DPP6: variants seen among roughly 807,000 people sequenced by gnomAD.
DPP6 encodes dipeptidyl peptidase like 6, also known as A-type potassium channel modulatory protein DPP6.
A neutral mutation model predicts 122.6 loss-of-function variants in DPP6; 69 were observed. The observed-to-expected ratio is 0.56, with a 90% CI of 0.46 to 0.69. The LOEUF is 0.69. Among genes scored for constraint, DPP6 ranks in the 30% least tolerant of loss-of-function variants. The pLI, the probability that DPP6 is intolerant of heterozygous loss-of-function variation, is 0.00. For synonymous variants in DPP6, 418 were observed against 433.1 expected, an observed-to-expected ratio of 0.97 and a Z score of 0.43; for missense variants, 928 against 1,116.9, an observed-to-expected ratio of 0.83 and a Z score of 2.41.
Position 154,794,183 on chromosome 7 carries a change from C to T in DPP6, c.1241C>T (p.Thr414Ile). The T allele has an allele frequency of 6.2e-7, 1 of 1,610,738 alleles. No individual in the cohort carries two copies. Among genetic ancestry groups the T allele is most frequent in the Non-Finnish European group, 8.5e-7 (1 of 1,178,360 alleles). Residue 414 changes from threonine (T) to isoleucine (I), a missense_variant, in exon 11 of 26, where the codon ACC becomes ATC. Transcript: ENST00000377770. ...TCCATCCTCACCCTCTGCGACGCCA[C>T]CACGGGGGTCTGCACGAAGGTACGC... ...NVSILTLCDA[T>I]TGVCTKKHED...
chr7:154,123,763 G>C (rs1289726165), intron 1 of DPP6, among the ~76,000 whole-genome samples: 8 of 119,878 alleles, frequency 6.7e-5, no homozygotes, highest in Non-Finnish European at 1.3e-4. Context: ...CTTACCTGGG[G>C]ACACTCACTA....
chr7:154,646,987 C>A (rs1223563528), intron 6 of DPP6, among the ~76,000 whole-genome samples: 1 of 152,188 alleles, frequency 6.6e-6, no homozygotes, highest in Non-Finnish European at 1.5e-5. Context: ...ACAAACAAGT[C>A]TCTTTGAAAA....
At chr7:154,078,840 A>G (rs1252898885) in intron 1 of DPP6, among the ~76,000 whole-genome samples, 1 of 152,038 alleles carries the variant, frequency 6.6e-6, no homozygotes, top group Admixed American at 6.6e-5. Context: ...GATTTATAAA[A>G]CAAACCCTAT....
At chr7:153,955,672 C>G in intron 1 of DPP6, among the ~76,000 whole-genome samples, 1 of 152,150 alleles carries the variant, frequency 6.6e-6, no homozygotes. Context: ...CTCCTGAGCT[C>G]AGGCGATCCA....
At chr7:153,851,813 G>A in the DPP6 span, among the ~76,000 whole-genome samples, 10 of 151,874 alleles carry the variant, frequency 6.6e-5, no homozygotes, top group African/African-American at 1.5e-4. Context: ...TGTTTTTCAT[G>A]CTTTCTGAAC....
At chr7:154,091,604 CAGAG>C (rs1360872134) in intron 1 of DPP6, among the ~76,000 whole-genome samples, 1 of 151,634 alleles carries the variant, frequency 6.6e-6, no homozygotes, top group African/African-American at 2.4e-5. Context: ...GCTTGAGGGA[CAGAG>C]AGAGAGCAGA....
At chr7:154,299,964 A>G (rs1477590959) in intron 1 of DPP6, among the ~76,000 whole-genome samples, 3 of 152,198 alleles carry the variant, frequency 2.0e-5, no homozygotes, top group Non-Finnish European at 4.4e-5. Flanking sequence ...ACTCAGACAC[A>G]TCTGGAGGGG....
chr7:153,990,279 C>T (rs13225331), intron 1 of DPP6, among the ~76,000 whole-genome samples: 52,096 of 93,828 alleles, frequency 0.56, 11,638 homozygotes, highest in South Asian at 0.6. Context: ...CTGAACAGTC[C>T]CGCCCCTGCC....
At chr7:154,271,804 A>G (rs1349049612) in intron 1 of DPP6, among the ~76,000 whole-genome samples, 1 of 152,206 alleles carries the variant, frequency 6.6e-6, no homozygotes, top group African/African-American at 2.4e-5. Flanking sequence ...TGAAAGTAAA[A>G]TCAACATATT....
chr7:153,853,475 A>C, the DPP6 span, among the ~76,000 whole-genome samples: 1 of 152,230 alleles, frequency 6.6e-6, no homozygotes, highest in Non-Finnish European at 1.5e-5. Context: ...CTTTGCCAAG[A>C]AACATTGTTG....
At chr7:154,208,026 C>T (rs1799542858) in intron 1 of DPP6, among the ~76,000 whole-genome samples, 1 of 151,826 alleles carries the variant, frequency 6.6e-6, no homozygotes, top group South Asian at 2.1e-4. Context: ...AATTACATAT[C>T]ACTTGTTTTT....
intron 2 of DPP6, among the ~76,000 whole-genome samples, chr7:154,465,476 A>C (rs1821702038): frequency 6.6e-6 from 1 of 152,196 alleles, no homozygotes; most frequent in African/African-American, 2.4e-5. Context: ...CAAAGGGCTA[A>C]TATCCAGAAC....
intron 1 of DPP6, among the ~76,000 whole-genome samples, chr7:154,311,908 G>T (rs1806930751): frequency 6.6e-6 from 1 of 152,192 alleles, no homozygotes; most frequent in Admixed American, 6.5e-5. Context: ...TGTAAGGTGG[G>T]TGTCATGCAG....
chr7:154,580,710 G>A lies in DPP6; in HGVS notation c.627+13794G>A, dbSNP rs562432906. Among the ~76,000 whole-genome samples, 8 of 152,268 alleles carry A rather than the reference G, an allele frequency of 5.3e-5. No homozygotes were observed. In the South Asian group the frequency reaches 8.3e-4, roughly 16 times the overall value. On this transcript the variant is annotated intron_variant, in intron 5 of 25. Transcript: ENST00000377770. ...GAGGCTTGAGTCAGGGAAGGCCGACGGAGAAGAAAGCCTGGAAGGAGAGGA... is the reference window on the plus strand; with the variant it reads ...GAGGCTTGAGTCAGGGAAGGCCGACAGAGAAGAAAGCCTGGAAGGAGAGGA...
At chr7:154,737,674 T>C (rs1304098166) in intron 8 of DPP6, among the ~76,000 whole-genome samples, 2 of 152,218 alleles carry the variant, frequency 1.3e-5, no homozygotes, top group Admixed American at 1.3e-4. Context: ...ACTTTCCTGC[T>C]GCATATGAGT....
chr7:154,444,809 A>G (rs904616874), intron 1 of DPP6, among the ~76,000 whole-genome samples: 2 of 152,236 alleles, frequency 1.3e-5, no homozygotes, highest in Non-Finnish European at 2.9e-5. Context: ...TTTTCTCCCA[A>G]AGAAAATACT....
At chr7:154,553,620 C>T (rs1442663082) in intron 4 of DPP6, among the ~76,000 whole-genome samples, 1 of 152,114 alleles carries the variant, frequency 6.6e-6, no homozygotes, top group African/African-American at 2.4e-5. Context: ...AGTCACACAG[C>T]TGATAGCTGA....
intron 1 of DPP6, among the ~76,000 whole-genome samples, chr7:154,170,785 A>G (rs1271103510): frequency 6.6e-6 from 1 of 152,140 alleles, no homozygotes; most frequent in African/African-American, 2.4e-5. Flanking sequence ...TTTCTTCTAG[A>G]CTAGCCTCTG....
intron 5 of DPP6, among the ~76,000 whole-genome samples, chr7:154,585,970 A>C (rs1832416477): frequency 6.6e-6 from 1 of 152,040 alleles, no homozygotes; most frequent in Admixed American, 6.5e-5. Context: ...AGGGGAAGGC[A>C]CTCCAGATGA....
Sources: allele counts gnomAD v4.1 joint callset (sites outside exome capture counted in the v4.1 genomes callset), GRCh38; gene constraint gnomAD v4.1.1; transcripts MANE v1.5; gene names NCBI Gene and HGNC (gene_info 2026-07-23, HGNC 2026-07-21).